SPATA16: variants seen among roughly 807,000 people sequenced by gnomAD.
SPATA16 encodes spermatogenesis-associated protein 16.
In SPATA16, 36 loss-of-function variants were observed where a neutral mutation model predicts 63.3. The observed-to-expected ratio is 0.57, with a 90% CI of 0.44 to 0.75. The LOEUF is 0.75. Ranked by LOEUF, SPATA16 falls within the 30% of genes least tolerant of loss-of-function variation. SPATA16 has a pLI of 0.00. For missense variants in SPATA16, 646 were observed against 679.3 expected (o/e 0.95, Z 0.54); for synonymous variants, 203 against 216.7 (o/e 0.94, Z 0.56).
chr3:173,053,335 C>A (rs1736144689), intron 2 of SPATA16, among the ~76,000 whole-genome samples: 1 of 152,064 alleles, frequency 6.6e-6, no homozygotes, highest in South Asian at 2.1e-4. Flanking sequence ...CAAGATCATA[C>A]CACTGCACTC....
intron 8 of SPATA16, 41 bp downstream of exon 8, chr3:172,924,167 T>C (rs1197516518): frequency 1.4e-6 from 2 of 1,457,768 alleles, no homozygotes; most frequent in Admixed American, 3.3e-5. Context: ...AATTCTCTAA[T>C]ATTTGTACAT....
intron 10 of SPATA16, among the ~76,000 whole-genome samples, 200 bp from the exon 11 acceptor site, chr3:172,889,892 A>G (rs1731859005): frequency 6.6e-6 from 1 of 152,162 alleles, no homozygotes; most frequent in Admixed American, 6.5e-5. Flanking sequence ...ACTTAACACA[A>G]AGCAGAAGTG....
chr3:173,035,680 G>A (rs2108286627), intron 3 of SPATA16, among the ~76,000 whole-genome samples: 1 of 152,202 alleles, frequency 6.6e-6, no homozygotes, highest in Middle Eastern at 3.4e-3. Flanking sequence ...CAAATGCTGG[G>A]AGAATGCCAA....
At chr3:173,065,703 A>G (rs1174832274) in intron 2 of SPATA16, among the ~76,000 whole-genome samples, 1 of 152,188 alleles carries the variant, frequency 6.6e-6, no homozygotes, top group East Asian at 1.9e-4. Flanking sequence ...GCGGGAGGGA[A>G]AGTAAAGTGA....
intron 9 of SPATA16, among the ~76,000 whole-genome samples, chr3:172,913,995 G>A (rs538723844): frequency 6.6e-6 from 1 of 152,288 alleles, no homozygotes; most frequent in African/African-American, 2.4e-5. Context: ...AATGTAGTAA[G>A]TGTTGATGTT....
chr3:173,083,983 T>C (rs960638120), intron 2 of SPATA16, among the ~76,000 whole-genome samples: 1 of 152,206 alleles, frequency 6.6e-6, no homozygotes, highest in African/African-American at 2.4e-5. Flanking sequence ...TCAACCTAAA[T>C]ATGCATGCAT....
At chr3:173,094,791 C>T (rs1490800312) in intron 2 of SPATA16, among the ~76,000 whole-genome samples, 3 of 150,820 alleles carry the variant, frequency 2.0e-5, no homozygotes, top group South Asian at 4.2e-4. Flanking sequence ...GATGGGCAGG[C>T]CGTAGGGCTA....
At chr3:173,003,413 CT>C (rs577214350) in intron 4 of SPATA16, among the ~76,000 whole-genome samples, 482 of 152,244 alleles carry the variant, frequency 3.2e-3, no homozygotes, top group African/African-American at 0.011. Context: ...TAACAATACC[CT>C]TATCATCCTT....
intron 6 of SPATA16, among the ~76,000 whole-genome samples, chr3:172,951,250 TA>T (rs1733423974): frequency 6.6e-6 from 1 of 152,144 alleles, no homozygotes; most frequent in Non-Finnish European, 1.5e-5. Flanking sequence ...TCTATTATAA[TA>T]CGACTTTAAG....
In SPATA16 at chr3:172,924,244, C is replaced by T. The variant is rs1025896195; in HGVS notation, c.1302G>A (p.Leu434=). 1 of 1,613,424 alleles carries T rather than the reference C, an allele frequency of 6.2e-7. No homozygotes were observed. The highest frequency in any genetic ancestry group is 1.3e-5 in the African/African-American group (1 of 75,012). Residue 434 remains leucine (L), a synonymous_variant, in exon 8 of 11, where the codon TTG becomes TTA. Transcript: ENST00000351008. ...TGCTTCTAATAAAATCCAATATTGG[C>T]AAGATTCGCTTCCCCATTGTCTCCA... ...RQMETMGKRI[L]PILDFIRSTQ...
chr3:172,940,698 A>T lies in SPATA16; in HGVS notation c.1082-15206T>A, dbSNP rs79455216. ...GAACTTAAAATAAATGTTAAATTTA[A>T]CAAAAGGGCTGGGTGCAGTGGCTTA... On this transcript the variant is annotated intron_variant, in intron 6 of 10. Transcript: ENST00000351008. Among the ~76,000 whole-genome samples, 938 of 152,312 alleles carry T rather than the reference A, an allele frequency of 6.2e-3. 32 individuals are homozygous for T. The East Asian group carries it at 0.12, about 20-fold the overall frequency.
intron 10 of SPATA16, among the ~76,000 whole-genome samples, chr3:172,912,606 C>G (rs529368225): frequency 6.6e-6 from 1 of 152,018 alleles, no homozygotes. Flanking sequence ...AGGGTGAAGA[C>G]CTTCACTTCC....
intron 10 of SPATA16, 24 bp downstream of exon 10, chr3:172,913,637 T>G: frequency 6.2e-7 from 1 of 1,607,896 alleles, no homozygotes; most frequent in Non-Finnish European, 8.5e-7. Context: ...TAATAGATCT[T>G]TTTCCTTCAG....
chr3:173,067,758 A>G (rs1483301207), intron 2 of SPATA16, among the ~76,000 whole-genome samples: 1 of 152,236 alleles, frequency 6.6e-6, no homozygotes, highest in African/African-American at 2.4e-5. Flanking sequence ...TCCAGGTACA[A>G]GAAAGTCAAA....
chr3:173,030,677 A>C (rs913224578), intron 3 of SPATA16, among the ~76,000 whole-genome samples: 1 of 152,106 alleles, frequency 6.6e-6, no homozygotes, highest in African/African-American at 2.4e-5. Flanking sequence ...GAAGTTCCTC[A>C]AAAAGTTAAA....
At chr3:173,129,994 A>C (rs1348689467) in intron 1 of SPATA16, among the ~76,000 whole-genome samples, 3 of 152,186 alleles carry the variant, frequency 2.0e-5, no homozygotes, top group African/African-American at 7.2e-5. Context: ...CTGGATGTTT[A>C]TTTTCTTAGA....
intron 2 of SPATA16, among the ~76,000 whole-genome samples, chr3:173,057,380 T>C (rs1736262647): frequency 6.6e-6 from 1 of 152,166 alleles, no homozygotes; most frequent in South Asian, 2.1e-4. Flanking sequence ...CCCAAAGTGC[T>C]ATGATTACAG....
At chr3:172,928,267 T>C (rs1397632373) in intron 6 of SPATA16, among the ~76,000 whole-genome samples, 1 of 152,220 alleles carries the variant, frequency 6.6e-6, no homozygotes, top group Admixed American at 6.5e-5. Context: ...AAAGGATGGC[T>C]CATTTTTATA....
At chr3:172,930,091 A>G (rs894192838) in intron 6 of SPATA16, among the ~76,000 whole-genome samples, 1 of 152,132 alleles carries the variant, frequency 6.6e-6, no homozygotes, top group African/African-American at 2.4e-5. Flanking sequence ...ATCTTGGCCA[A>G]ATTTCTCATC....
Sources: allele counts gnomAD v4.1 joint callset (sites outside exome capture counted in the v4.1 genomes callset), GRCh38; gene constraint gnomAD v4.1.1; transcripts MANE v1.5; gene names NCBI Gene and HGNC (gene_info 2026-07-23, HGNC 2026-07-21).